TEX9: variants seen among roughly 807,000 people sequenced by gnomAD.
TEX9 encodes the protein testis-expressed protein 9.
A neutral mutation model predicts 59.6 loss-of-function variants in TEX9; 74 were observed. The observed-to-expected ratio is 1.24, with a 90% CI of 1.03 to 1.51. The LOEUF is 1.51. Among genes scored for constraint, TEX9 ranks in the 40% most tolerant of loss-of-function variants. TEX9 has a pLI of 0.00. For missense variants in TEX9, 522 were observed against 447.8 expected (o/e 1.17, Z -1.49); for synonymous variants, 186 against 152.2 (o/e 1.22, Z -1.64).
At chr15:56,394,325 T>C in intron 8 of TEX9, 78 bp downstream of exon 8, 1 of 1,223,138 alleles carries the variant, frequency 8.2e-7, no homozygotes, top group Non-Finnish European at 1.1e-6. Flanking sequence ...TTTTTTGAAT[T>C]ACTTTATTTA....
At chr15:56,454,699 G>A in the TEX9 span, among the ~76,000 whole-genome samples, 7 of 152,046 alleles carry the variant, frequency 4.6e-5, no homozygotes, top group Non-Finnish European at 1.0e-4. Context: ...TAATGCTTCT[G>A]TATTATCCTC....
intron 3 of TEX9, 86 bp downstream of exon 3, chr15:56,373,590 A>G: frequency 9.0e-7 from 1 of 1,111,918 alleles, no homozygotes; most frequent in East Asian, 3.0e-5. Flanking sequence ...TATACAAAAC[A>G]CTAGCCAAAG....
At chr15:56,379,858 CT>C (rs35913300) in intron 3 of TEX9, among the ~76,000 whole-genome samples, 254 of 144,852 alleles carry the variant, frequency 1.8e-3, no homozygotes, top group East Asian at 4.4e-3. Flanking sequence ...GGTTCTCCTG[CT>C]TTTTTTTTTT....
At chr15:56,396,822 T>A (rs1465692099) in intron 9 of TEX9, 1 of 152,306 alleles carries the variant, frequency 6.6e-6, no homozygotes, top group Non-Finnish European at 1.5e-5. Context: ...CCTTTTACTT[T>A]CCAACATGAT....
At chr15:56,259,866 T>A (rs1394424064) in intron 1 of TEX9, among the ~76,000 whole-genome samples, 1 of 152,080 alleles carries the variant, frequency 6.6e-6, no homozygotes, top group Non-Finnish European at 1.5e-5. Flanking sequence ...ATATGAAGTC[T>A]CCAAATCCAT....
intron 1 of TEX9, among the ~76,000 whole-genome samples, chr15:56,287,670 C>T (rs569049068): frequency 4.6e-5 from 7 of 152,174 alleles, no homozygotes; most frequent in East Asian, 3.9e-4. Context: ...ACCAATATCT[C>T]CTCAATCCAT....
chr15:56,344,861 G>T (rs1325253089), intron 1 of TEX9, among the ~76,000 whole-genome samples: 1 of 151,658 alleles, frequency 6.6e-6, no homozygotes, highest in East Asian at 1.9e-4. Context: ...TTACAGGAAA[G>T]TTAGATCTGT....
At chr15:56,452,827 T>C in the TEX9 span, among the ~76,000 whole-genome samples, 1 of 152,146 alleles carries the variant, frequency 6.6e-6, no homozygotes, top group Non-Finnish European at 1.5e-5. Context: ...CTAATCCATA[T>C]TGTTTTCACA....
intron 1 of TEX9, among the ~76,000 whole-genome samples, chr15:56,283,983 C>T (rs942693380): frequency 2.0e-5 from 3 of 152,110 alleles, no homozygotes; most frequent in African/African-American, 7.2e-5. Flanking sequence ...CTATTTTTCA[C>T]CTATGAATTA....
chr15:56,308,643 T>C (rs1252908400), intron 1 of TEX9, among the ~76,000 whole-genome samples: 3 of 152,146 alleles, frequency 2.0e-5, no homozygotes, highest in Non-Finnish European at 4.4e-5. Flanking sequence ...ATCCAAGGAA[T>C]GTTTTTACTC....
chr15:56,276,806 C>T (rs1048449140), intron 1 of TEX9, among the ~76,000 whole-genome samples: 88 of 152,292 alleles, frequency 5.8e-4, no homozygotes, highest in African/African-American at 1.8e-3. Context: ...AGTGTAAAAG[C>T]GTTCCTATTT....
chr15:56,398,610 G>C (rs1156603688), intron 9 of TEX9, among the ~76,000 whole-genome samples: 1 of 152,114 alleles, frequency 6.6e-6, no homozygotes, highest in Admixed American at 6.5e-5. Context: ...GTCCAATCCT[G>C]TGCAATTTTT....
upstream of TEX9, among the ~76,000 whole-genome samples, chr15:56,362,277 TGTCTATTTCTCTTTGCAA>T (rs2046804308): frequency 6.6e-6 from 1 of 152,248 alleles, no homozygotes; most frequent in African/African-American, 2.4e-5. Flanking sequence ...ATGATGGATT[TGTCTATTTCTCTTTGCAA>T]GTCCTACCAG....
chr15:56,384,365 C>G (rs1452272087), intron 4 of TEX9, among the ~76,000 whole-genome samples: 2 of 152,112 alleles, frequency 1.3e-5, no homozygotes, highest in Non-Finnish European at 2.9e-5. Context: ...TGTCATTGGG[C>G]TATGAACAGA....
intron 1 of TEX9, among the ~76,000 whole-genome samples, chr15:56,306,859 T>C (rs533272839): frequency 4.3e-4 from 66 of 152,294 alleles, no homozygotes; most frequent in African/African-American, 1.5e-3. Context: ...ATCTCATGTA[T>C]CCCATAAATA....
chr15:56,312,061 T>G (rs2141631884), intron 1 of TEX9, among the ~76,000 whole-genome samples: 1 of 151,436 alleles, frequency 6.6e-6, no homozygotes, highest in East Asian at 1.9e-4. Context: ...GTCAGATGAG[T>G]AGGTTGCGAA....
chr15:56,419,101 T>G lies in TEX9; in HGVS notation c.963+6665T>G, dbSNP rs775743689. Among the ~76,000 whole-genome samples the G allele has an allele frequency of 5.9e-5, 9 of 151,870 alleles. 1 individual carries two copies. The highest frequency in any genetic ancestry group is 1.9e-4 in the African/African-American group (8 of 41,160). On this transcript the variant is annotated intron_variant, in intron 10 of 12. Transcript: ENST00000352903. Reference sequence around the variant, plus strand: ...TTTTATATATATATAGTTTCCAGAATACAGGTTTTACACACTTTTTTTTCA... The same window carrying G: ...TTTTATATATATATAGTTTCCAGAAGACAGGTTTTACACACTTTTTTTTCA...
intron 7 of TEX9, among the ~76,000 whole-genome samples, chr15:56,391,710 A>G (rs1375475650): frequency 6.6e-6 from 1 of 152,092 alleles, no homozygotes; most frequent in Non-Finnish European, 1.5e-5. Flanking sequence ...AAAAAAGACT[A>G]TATTGTACTG....
chr15:56,437,986 A>C (rs1286000572), intron 12 of TEX9, among the ~76,000 whole-genome samples: 2 of 152,226 alleles, frequency 1.3e-5, no homozygotes, highest in South Asian at 2.1e-4. Context: ...AAATGGAAGA[A>C]CATTCCATGC....
Sources: allele counts gnomAD v4.1 joint callset (sites outside exome capture counted in the v4.1 genomes callset), GRCh38; gene constraint gnomAD v4.1.1; transcripts MANE v1.5; gene names NCBI Gene and HGNC (gene_info 2026-07-23, HGNC 2026-07-21).